Variants in COL18A1 observed in about 807,000 individuals in gnomAD.
The protein encoded by COL18A1 is collagen alpha-1(XVIII) chain.
In COL18A1, 133 loss-of-function variants were observed where a neutral mutation model predicts 168.0. That is an observed-to-expected ratio of 0.79 (90% CI 0.69 to 0.91). COL18A1 has a LOEUF of 0.91. Among genes scored for constraint, COL18A1 ranks in the 40% least tolerant of loss-of-function variants. The pLI is 0.00. For missense variants in COL18A1, 2,126 were observed against 1,925.4 expected, an observed-to-expected ratio of 1.10 and a Z score of -1.95; for synonymous variants, 949 against 809.0, an observed-to-expected ratio of 1.17 and a Z score of -2.94.
At chr21:45,437,152 ACTCAGACACAGG>A (rs1569287252) in intron 2 of COL18A1, among the ~76,000 whole-genome samples, 28 of 104,408 alleles carry the variant, frequency 2.7e-4, no homozygotes, top group Admixed American at 4.5e-4. Flanking sequence ...ACACACTCAC[ACTCAGACACAGG>A]CACTCTCCTG....
At chr21:45,405,636 C>A (rs1466926557) in intron 2 of COL18A1, among the ~76,000 whole-genome samples, 163 bp downstream of exon 2, 1 of 150,924 alleles carries the variant, frequency 6.6e-6, no homozygotes, top group Non-Finnish European at 1.5e-5. Flanking sequence ...CGGAGCGGGG[C>A]GGGGTGGCCG....
At chr21:45,411,974 T>C (rs970396999) in intron 2 of COL18A1, among the ~76,000 whole-genome samples, 8 of 152,180 alleles carry the variant, frequency 5.3e-5, no homozygotes, top group African/African-American at 7.2e-5. Flanking sequence ...AACATTTTCA[T>C]CCACTAAGGG....
At chr21:45,405,796 G>A (rs568700691) in intron 2 of COL18A1, among the ~76,000 whole-genome samples, 6 of 151,518 alleles carry the variant, frequency 4.0e-5, no homozygotes, top group Non-Finnish European at 8.9e-5. Flanking sequence ...GGGGTCTCGG[G>A]AGACGCGGCC....
In COL18A1 at chr21:45,457,491, C is replaced by T. The variant is rs1444771836; in HGVS notation, c.107-10751C>T. On this transcript the variant is annotated intron_variant, in intron 2 of 41. Coordinates refer to ENST00000651438, the MANE Select transcript of COL18A1 (RefSeq NM_001379500.1). This position sits in a 1 kb window ranked among gnomAD's most constrained non-coding sequence, Gnocchi z 4.6. ...TGCCACAGTGGGGGCCGCTTCTGGG[C>T]CCAGGGGACGTTGCCCCATCACCGT... Among the ~76,000 whole-genome samples, 1 of 152,178 alleles carries T rather than the reference C, an allele frequency of 6.6e-6. No homozygotes were observed. The highest frequency in any genetic ancestry group is 1.9e-4 in the East Asian group (1 of 5,170).
rs1193308723 is a variant in COL18A1, at chr21:45,425,860, C to A, written c.106+20387C>A. Among the ~76,000 whole-genome samples, 1 of 152,176 alleles carries A rather than the reference C, an allele frequency of 6.6e-6. No individual in the cohort carries two copies. Among genetic ancestry groups the A allele is most frequent in the Non-Finnish European group, 1.5e-5 (1 of 68,022 alleles). On this transcript the variant is annotated intron_variant, in intron 2 of 41. Coordinates refer to ENST00000651438, the MANE Select transcript of COL18A1 (RefSeq NM_001379500.1). The surrounding 1 kb of genome is among the most constrained non-coding windows in gnomAD (Gnocchi z 4.1). ...CCCAAGTTAGAACAGCACATCTGTG[C>A]GTGCAAACTTCATTCTGACTTCGGC...
rs61724304 is a variant in COL18A1, at chr21:45,437,634, T to A, written c.107-30608T>A. Among the ~76,000 whole-genome samples, 69 of 15,818 alleles carry A rather than the reference T, an allele frequency of 4.4e-3. 1 individual carries two copies. The highest frequency in any genetic ancestry group is 0.14 in the Middle Eastern group (2 of 14). 10.4% of individuals were successfully genotyped at this position (15,818 alleles called of 152,430 possible). A position where few individuals can be genotyped will look rare whatever the true frequency, so the allele number is the denominator to read the frequency against. ...CACAGGCACTCTCCTGCACACACAC[T>A]CACACAGGCACTCTCCTGCACACAC... On this transcript the variant is annotated intron_variant, in intron 2 of 41. Coordinates refer to ENST00000651438, the MANE Select transcript of COL18A1 (RefSeq NM_001379500.1).
chr21:45,482,370 G>A, intron 14 of COL18A1: 1 of 662,360 alleles, frequency 1.5e-6, no homozygotes, highest in Non-Finnish European at 2.8e-6. Flanking sequence ...GGCGTTTGTG[G>A]GTGGACCTGG....
At chr21:45,459,997 C>G (rs6518246) in intron 2 of COL18A1, among the ~76,000 whole-genome samples, 1,881 of 152,268 alleles carry the variant, frequency 0.012, 40 homozygotes, top group African/African-American at 0.042. Context: ...GGTGATGTTT[C>G]CAAGGAGTCC....
chr21:45,479,732 G>T (rs2035825986), intron 9 of COL18A1, among the ~76,000 whole-genome samples, 170 bp from the exon 10 acceptor site: 1 of 152,114 alleles, frequency 6.6e-6, no homozygotes, highest in African/African-American at 2.4e-5. Flanking sequence ...ATGGGCTCAG[G>T]CGGGAGACAG....
chr21:45,487,504 C>T lies in COL18A1; in HGVS notation c.1891C>T (p.Pro631Ser), dbSNP rs777357848. The T allele has an allele frequency of 1.6e-5, 25 of 1,612,816 alleles. No homozygotes were observed. The highest frequency in any genetic ancestry group is 2.0e-5 in the Non-Finnish European group (24 of 1,180,004). ...FWSTARSADGPQGPPGLPGLK... is the reference protein window; with the variant it reads ...FWSTARSADGSQGPPGLPGLK... ...GTCAACAGCCCGAAGCGCTGATGGG[C>T]CACAGGTAGTGTTGTGAGCTGGGCG... Residue 631 changes from proline to serine, a missense_variant, in exon 17 of 42, where the codon CCA (proline) becomes TCA (serine). Coordinates refer to ENST00000651438, the MANE Select transcript of COL18A1 (RefSeq NM_001379500.1).
chr21:45,492,568 T>C lies in COL18A1; in HGVS notation c.2187+4T>C. On this transcript the variant is annotated splice_donor_region_variant and intron_variant, in intron 23 of 41. Coordinates refer to ENST00000651438, the MANE Select transcript of COL18A1 (RefSeq NM_001379500.1). ...CCTGAGCGTGCCGGGACCTGAGGTA[T>C]GTGCCTGCCCAGCTTCTAAGAGACG... The C allele has an allele frequency of 6.2e-7, 1 of 1,613,188 alleles. No individual in the cohort carries two copies. Among genetic ancestry groups the C allele is most frequent in the Non-Finnish European group, 8.5e-7 (1 of 1,179,982 alleles).
intron 2 of COL18A1, among the ~76,000 whole-genome samples, chr21:45,426,819 G>A (rs1386095972): frequency 6.6e-6 from 1 of 152,236 alleles, no homozygotes; most frequent in African/African-American, 2.4e-5. Context: ...TCTGTTGAGG[G>A]GTCTGGGAGG....
intron 40 of COL18A1, among the ~76,000 whole-genome samples, 195 bp from the exon 41 acceptor site, chr21:45,510,916 G>A (rs2037538738): frequency 2.0e-5 from 3 of 149,436 alleles, no homozygotes. Flanking sequence ...CCCAGGGGCT[G>A]CAGAACCCCA....
rs959682726 is a variant in COL18A1 at position 45,505,245 on chromosome 21, G to A, written c.2980G>A (p.Gly994Arg). The A allele has an allele frequency of 6.2e-7, 1 of 1,604,228 alleles. No individual in the cohort carries two copies. Among genetic ancestry groups the A allele is most frequent in the African/African-American group, 1.3e-5 (1 of 74,616 alleles). Reference protein sequence around the residue: ...QGPPGPPGPPGPPSFPGPHRQ... With the variant: ...QGPPGPPGPPRPPSFPGPHRQ... The stretch of plus-strand genomic sequence containing the variant: ...CCCTCCCGGCCCCCCAGGCCCCCCA[G>A]GGCCCCCTTCATTTCCTGGCCCTCA... The change falls in exon 35 of 42, where the codon GGG becomes AGG. Residue 994 changes from glycine to arginine, a missense_variant. Transcript: ENST00000651438.
At chr21:45,508,311 A>G (rs948152978) in intron 38 of COL18A1, among the ~76,000 whole-genome samples, 2 of 147,870 alleles carry the variant, frequency 1.4e-5, no homozygotes, top group Non-Finnish European at 3.0e-5. Context: ...TGGTTGCTGG[A>G]CAGGTGGGTG....
chr21:45,453,068 T>C (rs1005627413), intron 2 of COL18A1, among the ~76,000 whole-genome samples: 7 of 152,124 alleles, frequency 4.6e-5, no homozygotes, highest in African/African-American at 1.7e-4. Context: ...ATGTGTGAGC[T>C]TGTGTATGCA....
rs371873833 is a variant in COL18A1, at chr21:45,491,354, C to A, written c.2157+40C>A. 9 of 1,347,494 alleles carry A rather than the reference C, an allele frequency of 6.7e-6. No homozygotes were observed. The East Asian group carries it at 1.6e-4, about 25-fold the overall frequency. The allele number at this position is 1,347,494 out of a possible 1,614,324, so 83.5% of individuals were successfully genotyped here. On this transcript the variant is annotated intron_variant, in intron 22 of 41. Transcript: ENST00000651438. ...TGGGTGGGCACCCAATCTGTCCAGA[C>A]CCCCCACGGGGTGCAGAGATCCCTC...
At chr21:45,428,397 A>T (rs2033867276) in intron 2 of COL18A1, among the ~76,000 whole-genome samples, 1 of 152,230 alleles carries the variant, frequency 6.6e-6, no homozygotes, top group Admixed American at 6.5e-5. Context: ...GCCAGGACCG[A>T]GGCCACCAGT....
At chr21:45,440,034 G>C (rs778445489) in intron 2 of COL18A1, among the ~76,000 whole-genome samples, 115 of 152,386 alleles carry the variant, frequency 7.5e-4, no homozygotes, top group Non-Finnish European at 1.3e-3. Flanking sequence ...CGCCAGCGGA[G>C]GCTGGCAGGC....
Sources: allele counts gnomAD v4.1 joint callset (sites outside exome capture counted in the v4.1 genomes callset), GRCh38; gene constraint gnomAD v4.1.1; non-coding constraint Gnocchi (gnomAD v3.1); transcripts MANE v1.5; gene names NCBI Gene and HGNC (gene_info 2026-07-23, HGNC 2026-07-21).